The following SEC24A variants were observed in gnomAD, a reference collection of about 807,000 sequenced individuals.
SEC24A encodes protein transport protein Sec24A.
In SEC24A, 93 loss-of-function variants were observed where a neutral mutation model predicts 129.4. The ratio of observed to expected loss-of-function variants is 0.72; its 90% CI spans 0.61 to 0.85. The LOEUF (loss-of-function observed/expected upper bound fraction) is 0.85, where lower values mean the gene tolerates loss of function less well. Among genes scored for constraint, SEC24A ranks in the 40% least tolerant of loss-of-function variants. The pLI, the probability that SEC24A is intolerant of heterozygous loss-of-function variation, is 0.00. For missense variants in SEC24A, 1,264 were observed against 1,307.4 expected, an observed-to-expected ratio of 0.97 and a Z score of 0.51; for synonymous variants, 460 against 467.3, an observed-to-expected ratio of 0.98 and a Z score of 0.20.
At chr5:134,652,880 C>T (rs1284111077) in intron 1 of SEC24A, among the ~76,000 whole-genome samples, 3 of 152,052 alleles carry the variant, frequency 2.0e-5, no homozygotes, top group African/African-American at 4.8e-5. Context: ...CTGCAAGCTC[C>T]GCCTCCTGGG....
chr5:134,656,119 GT>G lies in SEC24A; in HGVS notation c.98-4998del, dbSNP rs1426221579. Reference sequence around the variant, plus strand: ...TTTTTTTAAGACAGAGTCTTGCTCTGTTGCCCAGGCTGGAGTGAGGTGGCAC... The same window carrying G: ...TTTTTTTAAGACAGAGTCTTGCTCTGTGCCCAGGCTGGAGTGAGGTGGCAC... On this transcript the variant is annotated intron_variant, in intron 1 of 22. Coordinates refer to ENST00000398844, the MANE Select transcript of SEC24A (RefSeq NM_021982.3). Among the ~76,000 whole-genome samples the G allele has an allele frequency of 2.2e-5, 3 of 138,158 alleles. No individual in the cohort carries two copies. In the Admixed American group the frequency reaches 2.4e-4, roughly 11 times the overall value. 90.6% of individuals were successfully genotyped at this position (138,158 alleles called of 152,430 possible).
At chr5:134,665,950 C>T (rs866747260) in intron 2 of SEC24A, among the ~76,000 whole-genome samples, 30 of 152,120 alleles carry the variant, frequency 2.0e-4, no homozygotes, top group African/African-American at 7.2e-4. Context: ...TAGAATATGA[C>T]ACATGGCCTA....
intron 8 of SEC24A, among the ~76,000 whole-genome samples, chr5:134,680,986 C>G (rs762417889): frequency 3.6e-4 from 55 of 151,466 alleles, no homozygotes; most frequent in Middle Eastern, 3.4e-3. Flanking sequence ...ATAATCCCAG[C>G]TACTCGGGAG....
At chr5:134,692,231 A>G (rs1751681833) in intron 11 of SEC24A, among the ~76,000 whole-genome samples, 1 of 151,840 alleles carries the variant, frequency 6.6e-6, no homozygotes, top group South Asian at 2.1e-4. Context: ...ACTTTTTGTA[A>G]AGACAGGGTT....
chr5:134,661,208 C>T lies in SEC24A; in HGVS notation c.187C>T (p.Pro63Ser). 4 of 1,614,146 alleles carry T rather than the reference C, an allele frequency of 2.5e-6. No homozygotes were observed. The highest frequency in any genetic ancestry group is 3.4e-6 in the Non-Finnish European group (4 of 1,180,008). The change falls in exon 2 of 23, where the codon CCA becomes TCA. Residue 63 changes from proline to serine, a missense_variant. Coordinates refer to ENST00000398844, the MANE Select transcript of SEC24A (RefSeq NM_021982.3). ...TCCAGGATCCTACCCTCATCCAATA[C>T]CAGCAAAGACTTTGAATCCAGTCTC... ...QLPGSYPHPI[P>S]AKTLNPVSGQ...
intron 13 of SEC24A, among the ~76,000 whole-genome samples, chr5:134,696,120 A>G (rs1190636382): frequency 1.3e-5 from 2 of 150,822 alleles, no homozygotes; most frequent in East Asian, 2.0e-4. Flanking sequence ...TACAAAAAAC[A>G]TTAGCTGGGC....
chr5:134,648,953 C>T lies in SEC24A; in HGVS notation c.-124C>T. The T allele has an allele frequency of 3.1e-6, 2 of 645,514 alleles. No homozygotes were observed. Among genetic ancestry groups the T allele is most frequent in the South Asian group, 2.0e-5 (1 of 49,042 alleles). The allele number at this position is 645,514 out of a possible 1,614,324, so 40.0% of individuals were successfully genotyped here. A position where few individuals can be genotyped will look rare whatever the true frequency, so the allele number is the denominator to read the frequency against. The stretch of plus-strand genomic sequence containing the variant: ...CATGCCTCGGGCTTAATGCGCCCCC[C>T]CCTCTTCTCCCAGTCTTCAGTCTTA... On this transcript the variant is annotated 5_prime_UTR_variant, in exon 1 of 23. Coordinates refer to ENST00000398844, the MANE Select transcript of SEC24A (RefSeq NM_021982.3).
chr5:134,683,873 G>T (rs1057358870), intron 9 of SEC24A, among the ~76,000 whole-genome samples: 4 of 152,282 alleles, frequency 2.6e-5, no homozygotes, highest in Non-Finnish European at 4.4e-5. Flanking sequence ...TAGGTTAAGT[G>T]ACATGCCAAA....
chr5:134,682,834 T>A (rs1751322810), intron 9 of SEC24A, among the ~76,000 whole-genome samples: 1 of 152,200 alleles, frequency 6.6e-6, no homozygotes, highest in Admixed American at 6.5e-5. Context: ...CCCAAAGTGC[T>A]GGGATTACAG....
At chr5:134,676,676 A>G (rs560050948) in intron 7 of SEC24A, among the ~76,000 whole-genome samples, 1 of 152,048 alleles carries the variant, frequency 6.6e-6, no homozygotes, top group East Asian at 1.9e-4. Context: ...ACTGACCTCA[A>G]GTGATCTGCC....
intron 15 of SEC24A, 121 bp downstream of exon 15, chr5:134,698,178 C>A: frequency 3.8e-6 from 3 of 780,388 alleles, no homozygotes; most frequent in East Asian, 2.7e-5. Context: ...CTGGAATATG[C>A]AATTAAGAGG....
chr5:134,713,954 A>T (rs1312103395), intron 18 of SEC24A, among the ~76,000 whole-genome samples: 1 of 151,868 alleles, frequency 6.6e-6, no homozygotes, highest in Non-Finnish European at 1.5e-5. Flanking sequence ...AGGCAGGAGA[A>T]TCGCTTGAAC....
intron 17 of SEC24A, among the ~76,000 whole-genome samples, chr5:134,707,786 G>C (rs1446762501): frequency 6.6e-6 from 1 of 152,030 alleles, no homozygotes; most frequent in Non-Finnish European, 1.5e-5. Context: ...GTGCCACATG[G>C]ATGGAGTTTA....
At chr5:134,696,188 A>C (rs924275035) in intron 13 of SEC24A, among the ~76,000 whole-genome samples, 1 of 151,582 alleles carries the variant, frequency 6.6e-6, no homozygotes, top group African/African-American at 2.4e-5. Context: ...GAGAATCGCT[A>C]GAAACCGGGA....
At chr5:134,662,773 A>G (rs1750518642) in intron 2 of SEC24A, among the ~76,000 whole-genome samples, 1 of 152,154 alleles carries the variant, frequency 6.6e-6, no homozygotes, top group South Asian at 2.1e-4. Context: ...AAAATCCTTC[A>G]TGTTACTTTT....
In SEC24A at chr5:134,693,413, A is replaced by G. The variant is rs796644695; in HGVS notation, c.1780-314A>G. On this transcript the variant is annotated intron_variant, in intron 12 of 22. Transcript: ENST00000398844. ...GTATGTAGAGGTGATGGAGAAGGCC[A>G]TATTTCATGGCATTAAAATACATCA... is the stretch of plus-strand genomic sequence containing the variant. 45 of 1,355,252 alleles carry G rather than the reference A, an allele frequency of 3.3e-5. No homozygotes were observed. The African/African-American group carries it at 4.7e-4, about 14-fold the overall frequency. 84.0% of individuals were successfully genotyped at this position (1,355,252 alleles called of 1,614,324 possible). A position where few individuals can be genotyped will look rare whatever the true frequency, so the allele number is the denominator to read the frequency against.
chr5:134,671,174 G>T (rs1446738926), intron 3 of SEC24A, among the ~76,000 whole-genome samples: 2 of 151,964 alleles, frequency 1.3e-5, no homozygotes, highest in African/African-American at 4.8e-5. Flanking sequence ...CTCCCGAGTA[G>T]CTGATTACAG....
rs1752781656 is a variant in SEC24A, at chr5:134,727,452, T to A, written c.*2358T>A. 1 of 152,630 alleles carries A rather than the reference T, an allele frequency of 6.6e-6. No individual in the cohort carries two copies. Among genetic ancestry groups the A allele is most frequent in the Non-Finnish European group, 1.5e-5 (1 of 68,020 alleles). 9.5% of individuals were successfully genotyped at this position (152,630 alleles called of 1,614,324 possible). On this transcript the variant is annotated 3_prime_UTR_variant, in exon 23 of 23. Coordinates refer to ENST00000398844, the MANE Select transcript of SEC24A (RefSeq NM_021982.3). ...TAATAGTCACTCAAGCAGTACCATT[T>A]ATTTTAGTTTGCATATATTTTCACT... is the stretch of plus-strand genomic sequence containing the variant.
intron 19 of SEC24A, chr5:134,715,677 G>A (rs541207047): frequency 6.5e-6 from 1 of 153,588 alleles, no homozygotes; most frequent in Admixed American, 6.6e-5. Context: ...TCATACACTG[G>A]GTCCTGTCAG....
Sources: gnomAD v4.1 joint callset for allele counts (sites outside exome capture counted in the v4.1 genomes callset) on GRCh38, gnomAD v4.1.1 for gene constraint, MANE v1.5 for transcripts, NCBI Gene and HGNC (gene_info 2026-07-23, HGNC 2026-07-21) for gene names.